Variants in ZNF565 observed in about 807,000 individuals in gnomAD.
ZNF565 encodes zinc finger protein 565.
ZNF565 carries 27 observed loss-of-function variants against 39.4 expected under a neutral mutation model. The observed-to-expected ratio is 0.69, with a 90% CI of 0.51 to 0.95. The LOEUF (loss-of-function observed/expected upper bound fraction) is 0.95, where lower values mean the gene tolerates loss of function less well. ZNF565 is among the 40% of genes least tolerant of loss of function. ZNF565 has a pLI of 0.00. For missense variants in ZNF565, 524 were observed against 621.1 expected (o/e 0.84, Z 1.66); for synonymous variants, 185 against 216.6 (o/e 0.85, Z 1.28).
rs751765655 is a variant in ZNF565 at position 36,182,783 on chromosome 19, C to T, written c.1183G>A (p.Asp395Asn). 3.7e-6 allele frequency: 6 copies of T among 1,614,140 alleles called. No homozygotes were observed. In the South Asian group the frequency reaches 6.6e-5, roughly 18 times the overall value. ...CTACGACTAAATGCCTTCCCGCAGT[C>T]CTTACATTCATAGGGTCTGTCGCCA... ...HTGDRPYECKDCGKAFSRSSY... is the reference protein window; with the variant it reads ...HTGDRPYECKNCGKAFSRSSY... Residue 395 changes from aspartate (D) to asparagine (N), a missense_variant, in exon 5 of 5, where the codon GAC (aspartate) becomes AAC (asparagine). Transcript: ENST00000304116.
At chr19:36,232,196 A>C (rs1599988328) in intron 1 of ZNF565, among the ~76,000 whole-genome samples, 1 of 21,936 alleles carries the variant, frequency 4.6e-5, no homozygotes, top group African/African-American at 2.2e-4. Context: ...CTCCATCTCA[A>C]AAAAAAAAAA....
At chr19:36,189,744 C>G (rs972712290) in intron 4 of ZNF565, among the ~76,000 whole-genome samples, 2 of 152,206 alleles carry the variant, frequency 1.3e-5, no homozygotes, top group African/African-American at 4.8e-5. Flanking sequence ...GACAAGAACA[C>G]TTTTATGGAA....
At position 36,202,066 on chromosome 19, in the gene ZNF565, G is replaced by C. The variant is rs562253484; in HGVS notation, c.-65-16C>G. 1.4e-6 allele frequency: 2 copies of C among 1,409,358 alleles called. No homozygotes were observed. Among genetic ancestry groups the C allele is most frequent in the African/African-American group, 1.4e-5 (1 of 70,746 alleles). 87.3% of individuals were successfully genotyped at this position (1,409,358 alleles called of 1,614,324 possible). A position where few individuals can be genotyped will look rare whatever the true frequency, so the allele number is the denominator to read the frequency against. Reference sequence around the variant, plus strand: ...GTGCAGAGTCCTGAAAAAGCAAAATGGGGGGAGATGGGGTAACCTCTGATA... The same window carrying C: ...GTGCAGAGTCCTGAAAAAGCAAAATCGGGGGAGATGGGGTAACCTCTGATA... On this transcript the variant is annotated splice_polypyrimidine_tract_variant and intron_variant, in intron 1 of 4. Transcript: ENST00000304116.
intron 4 of ZNF565, among the ~76,000 whole-genome samples, chr19:36,184,079 T>TAAAAAAA (rs752744030): frequency 1.5e-4 from 6 of 39,234 alleles, no homozygotes; most frequent in Non-Finnish European, 2.7e-4. Flanking sequence ...CTCTGTCTCA[T>TAAAAAAA]AAAAAAAAAA....
intron 1 of ZNF565, chr19:36,236,077 T>A: frequency 5.2e-6 from 1 of 193,452 alleles, no homozygotes; most frequent in Admixed American, 5.6e-5. Context: ...ATATGTTGCA[T>A]TTCGTCGAAC....
chr19:36,196,152 G>C (rs1376305180), intron 2 of ZNF565, among the ~76,000 whole-genome samples: 1 of 151,976 alleles, frequency 6.6e-6, no homozygotes, highest in Non-Finnish European at 1.5e-5. Context: ...AGTCAATCTT[G>C]AACTCCTGAC....
chr19:36,227,389 C>CA (rs35503795), intron 1 of ZNF565, among the ~76,000 whole-genome samples: 11,601 of 106,628 alleles, frequency 0.11, 598 homozygotes, highest in South Asian at 0.2. Flanking sequence ...GTCTCTGTCA[C>CA]AAAAAAAAAA....
intron 1 of ZNF565, among the ~76,000 whole-genome samples, chr19:36,207,780 G>C (rs1473086670): frequency 6.6e-6 from 1 of 152,134 alleles, no homozygotes; most frequent in Non-Finnish European, 1.5e-5. Context: ...GTTAGAGACA[G>C]ACACCAGAAA....
At chr19:36,200,365 T>C (rs1358446775) in intron 2 of ZNF565, among the ~76,000 whole-genome samples, 2 of 152,110 alleles carry the variant, frequency 1.3e-5, no homozygotes, top group Non-Finnish European at 2.9e-5. Context: ...ATAAACCTGT[T>C]ACCTGTTAAT....
intron 1 of ZNF565, among the ~76,000 whole-genome samples, chr19:36,231,968 C>T (rs1177584276): frequency 1.3e-5 from 2 of 151,516 alleles, no homozygotes; most frequent in African/African-American, 4.8e-5. Flanking sequence ...TTTGGGAGGC[C>T]GAGGCAGGCA....
At chr19:36,220,928 T>C (rs946542437) in intron 1 of ZNF565, among the ~76,000 whole-genome samples, 1 of 151,602 alleles carries the variant, frequency 6.6e-6, no homozygotes, top group African/African-American at 2.4e-5. Context: ...CTTGGCTCAC[T>C]TGCAACATCT....
At chr19:36,210,749 C>T (rs148654454) in intron 1 of ZNF565, among the ~76,000 whole-genome samples, 6,021 of 151,718 alleles carry the variant, frequency 0.04, 365 homozygotes, top group African/African-American at 0.14. Flanking sequence ...CTCAACCTCC[C>T]GAGTAGCTGG....
intron 1 of ZNF565, among the ~76,000 whole-genome samples, chr19:36,232,772 C>G (rs1396757274): frequency 6.6e-6 from 1 of 151,974 alleles, no homozygotes; most frequent in African/African-American, 2.4e-5. Context: ...CCACATCCAG[C>G]TAATTTTTTG....
intron 1 of ZNF565, among the ~76,000 whole-genome samples, chr19:36,221,490 A>T (rs996559341): frequency 6.6e-6 from 1 of 151,822 alleles, no homozygotes; most frequent in Non-Finnish European, 1.5e-5. Context: ...AGGTTTCACC[A>T]TGTTAGCCAG....
intron 1 of ZNF565, among the ~76,000 whole-genome samples, chr19:36,211,382 G>A (rs150124825): frequency 6.6e-6 from 1 of 151,218 alleles, no homozygotes; most frequent in African/African-American, 2.4e-5. Flanking sequence ...GGCAGAGGCT[G>A]CAGTGAGCTG....
intron 1 of ZNF565, chr19:36,238,126 T>C (rs1005728951): frequency 2.4e-5 from 4 of 167,132 alleles, no homozygotes; most frequent in Non-Finnish European, 5.9e-5. Context: ...GAAATTCTTA[T>C]GTAATACTAT....
chr19:36,196,255 T>C (rs750974697), intron 2 of ZNF565, among the ~76,000 whole-genome samples: 2 of 152,070 alleles, frequency 1.3e-5, no homozygotes, highest in Non-Finnish European at 2.9e-5. Flanking sequence ...ATATTTTGTT[T>C]GGTAGAGACA....
rs1332186247 is a variant in ZNF565, at chr19:36,183,238, C to T, written c.728G>A (p.Arg243Lys). Residue 243 changes from arginine to lysine, a missense_variant, in exon 5 of 5, where the codon AGA (arginine) becomes AAA (lysine). Arg to Lys is a conservative substitution (Grantham distance 26). Transcript: ENST00000304116. ...GRTSELILHQRLHTGVKPYEC... is the reference protein window; with the variant it reads ...GRTSELILHQKLHTGVKPYEC... ...ATAAGGTTTGACACCAGTATGAAGT[C>T]TCTGATGTAGAATAAGTTCTGATGT... 6.2e-7 allele frequency: 1 copy of T among 1,614,162 alleles called. No homozygotes were observed. Among genetic ancestry groups the T allele is most frequent in the South Asian group, 1.1e-5 (1 of 91,080 alleles).
chr19:36,197,280 C>T lies in ZNF565; in HGVS notation c.10-2124G>A, dbSNP rs548408647. 5.4e-5 allele frequency among the ~76,000 whole-genome samples: 8 copies of T among 149,450 alleles called. No homozygotes were observed. In the East Asian group the frequency reaches 1.4e-3, roughly 26 times the overall value. On this transcript the variant is annotated intron_variant, in intron 2 of 4. Coordinates refer to ENST00000304116, the MANE Select transcript of ZNF565 (RefSeq NM_152477.5). ...GAGCGAGACTCTGTCTCAAAAAAAA[C>T]AAACAAACAACAACAACAACAACAA...
Sources: gnomAD v4.1 joint callset for allele counts (sites outside exome capture counted in the v4.1 genomes callset) on GRCh38, gnomAD v4.1.1 for gene constraint, MANE v1.5 for transcripts, NCBI Gene and HGNC (gene_info 2026-07-23, HGNC 2026-07-21) for gene names.